ARHGAP26: variants seen among roughly 807,000 people sequenced by gnomAD.
ARHGAP26 encodes rho GTPase-activating protein 26.
A neutral mutation model predicts 104.8 loss-of-function variants in ARHGAP26; 38 were observed. The ratio of observed to expected loss-of-function variants is 0.36; its 90% CI spans 0.28 to 0.48. ARHGAP26 has a LOEUF of 0.48. ARHGAP26 is among the 20% of genes least tolerant of loss of function. The probability of loss-of-function intolerance (pLI) is 0.99; values close to 1 mark genes in which losing one functional copy is unlikely to be tolerated. For missense variants in ARHGAP26, 704 were observed against 947.9 expected, an observed-to-expected ratio of 0.74 and a Z score of 3.38; for synonymous variants, 341 against 340.0, an observed-to-expected ratio of 1.00 and a Z score of -0.03.
At chr5:143,089,872 AT>A (rs1422007927) in intron 17 of ARHGAP26, among the ~76,000 whole-genome samples, 1 of 152,054 alleles carries the variant, frequency 6.6e-6, no homozygotes, top group Non-Finnish European at 1.5e-5. Context: ...ACGATGTCTT[AT>A]TTTTTTCTTT....
intron 11 of ARHGAP26, among the ~76,000 whole-genome samples, chr5:142,977,037 T>C (rs2152717759): frequency 6.6e-6 from 1 of 152,350 alleles, no homozygotes; most frequent in East Asian, 1.9e-4. Context: ...TCACTGTGAC[T>C]GAGGCCACTC....
chr5:143,043,988 CTT>C (rs1783854065), intron 14 of ARHGAP26, among the ~76,000 whole-genome samples: 2 of 152,164 alleles, frequency 1.3e-5, no homozygotes, highest in African/African-American at 4.8e-5. Flanking sequence ...AAAGACTTAA[CTT>C]GAGGCTGGGA....
intron 17 of ARHGAP26, among the ~76,000 whole-genome samples, chr5:143,107,595 T>C (rs1433262773): frequency 6.6e-6 from 1 of 152,246 alleles, no homozygotes; most frequent in African/African-American, 2.4e-5. Flanking sequence ...TTTAGAACTT[T>C]GTCATTAAAC....
At chr5:143,013,749 C>T (rs1290571419) in intron 11 of ARHGAP26, among the ~76,000 whole-genome samples, 2 of 152,220 alleles carry the variant, frequency 1.3e-5, no homozygotes, top group African/African-American at 4.8e-5. Context: ...GCCTGGTGCG[C>T]AGTTCATGCT....
chr5:143,088,537 A>T lies in ARHGAP26; in HGVS notation c.1538+30790A>T, dbSNP rs191257087. Among the ~76,000 whole-genome samples, 90 of 152,328 alleles carry T rather than the reference A, an allele frequency of 5.9e-4. No homozygotes were observed. The East Asian group carries it at 0.016, about 28-fold the overall frequency. On this transcript the variant is annotated intron_variant, in intron 17 of 22. Transcript: ENST00000645722. Reference sequence around the variant, plus strand: ...GGACCTCCTATAACATTTAAATTTCATGTGAAGCAGAAAGAACCCAAGATA... The same window carrying T: ...GGACCTCCTATAACATTTAAATTTCTTGTGAAGCAGAAAGAACCCAAGATA...
intron 12 of ARHGAP26, among the ~76,000 whole-genome samples, chr5:143,022,265 G>T (rs1780448228): frequency 6.6e-6 from 1 of 151,996 alleles, no homozygotes; most frequent in South Asian, 2.1e-4. Flanking sequence ...TAGAGATGGG[G>T]TTTCACCATG....
At chr5:143,140,856 T>G (rs1054225728) in intron 19 of ARHGAP26, among the ~76,000 whole-genome samples, 1 of 152,246 alleles carries the variant, frequency 6.6e-6, no homozygotes, top group African/African-American at 2.4e-5. Context: ...TAATTCATCC[T>G]AGACCCTCTC....
At chr5:142,951,441 A>G (rs909774457) in intron 11 of ARHGAP26, among the ~76,000 whole-genome samples, 23 of 152,166 alleles carry the variant, frequency 1.5e-4, no homozygotes, top group African/African-American at 5.5e-4. Flanking sequence ...GGAAGCACCA[A>G]TATTTATTGC....
chr5:142,804,720 G>A (rs1762666732), intron 1 of ARHGAP26, among the ~76,000 whole-genome samples: 1 of 152,138 alleles, frequency 6.6e-6, no homozygotes, highest in South Asian at 2.1e-4. Context: ...TCAAACTCCT[G>A]ACCTCAGGTG....
chr5:142,874,788 C>T (rs1755844634), intron 2 of ARHGAP26: 1 of 222,934 alleles, frequency 4.5e-6, no homozygotes, highest in Non-Finnish European at 8.7e-6. Context: ...CCTTCAACTC[C>T]TAAGCGGAAC....
intron 14 of ARHGAP26, among the ~76,000 whole-genome samples, chr5:143,042,214 C>G (rs1267869147): frequency 2.0e-5 from 3 of 152,198 alleles, no homozygotes; most frequent in African/African-American, 7.2e-5. Context: ...TAGCTTATGA[C>G]TCCCTCCGTT....
chr5:142,954,431 C>G (rs1768880134), intron 11 of ARHGAP26, among the ~76,000 whole-genome samples: 1 of 152,200 alleles, frequency 6.6e-6, no homozygotes, highest in African/African-American at 2.4e-5. Context: ...TGGTTTCTAA[C>G]AAGTTGATGA....
At chr5:142,869,263 A>G (rs1440994872) in intron 1 of ARHGAP26, among the ~76,000 whole-genome samples, 8 of 148,632 alleles carry the variant, frequency 5.4e-5, no homozygotes, top group African/African-American at 7.5e-5. Flanking sequence ...CTGGAGTGCA[A>G]TGGTGCAACC....
At chr5:142,793,252 C>CTTTTTTTTTTT (rs56941301) in intron 1 of ARHGAP26, among the ~76,000 whole-genome samples, 13 of 107,138 alleles carry the variant, frequency 1.2e-4, no homozygotes, top group East Asian at 6.4e-4. Flanking sequence ...TATCCCTTTG[C>CTTTTTTTTTTT]TTTTTTTTTT....
At chr5:143,029,608 C>A (rs1038800505) in intron 12 of ARHGAP26, among the ~76,000 whole-genome samples, 4 of 151,642 alleles carry the variant, frequency 2.6e-5, no homozygotes, top group African/African-American at 7.3e-5. Context: ...GAGGTTTCAC[C>A]ATGTTGCCCA....
intron 1 of ARHGAP26, among the ~76,000 whole-genome samples, chr5:142,791,384 G>A (rs1332875931): frequency 6.6e-6 from 1 of 152,094 alleles, no homozygotes; most frequent in African/African-American, 2.4e-5. Context: ...TTCTCTCTTA[G>A]GTCTCTATTG....
intron 11 of ARHGAP26, among the ~76,000 whole-genome samples, chr5:142,934,384 C>T (rs1003411355): frequency 6.6e-6 from 1 of 152,192 alleles, no homozygotes; most frequent in Non-Finnish European, 1.5e-5. Context: ...ATTATTTCCT[C>T]ACAGGAACAT....
chr5:143,164,205 G>A (rs933045588), intron 20 of ARHGAP26, among the ~76,000 whole-genome samples: 1 of 152,080 alleles, frequency 6.6e-6, no homozygotes, highest in Non-Finnish European at 1.5e-5. Context: ...ATATGGAAAA[G>A]GAAAGTTTTG....
chr5:143,083,271 G>A (rs1316844832), intron 17 of ARHGAP26, among the ~76,000 whole-genome samples: 4 of 152,158 alleles, frequency 2.6e-5, no homozygotes, highest in African/African-American at 9.7e-5. Context: ...CTGTATTTCT[G>A]CTCAAGCATA....
Sources: gnomAD v4.1 joint callset for allele counts (sites outside exome capture counted in the v4.1 genomes callset) on GRCh38, gnomAD v4.1.1 for gene constraint, MANE v1.5 for transcripts, NCBI Gene and HGNC (gene_info 2026-07-23, HGNC 2026-07-21) for gene names.